POLD1: variants seen among roughly 807,000 people sequenced by gnomAD.
POLD1 encodes DNA polymerase delta catalytic subunit.
In POLD1, 79 loss-of-function variants were observed where a neutral mutation model predicts 129.7. The ratio of observed to expected loss-of-function variants is 0.61; its 90% CI spans 0.51 to 0.73. POLD1 has a LOEUF of 0.73. POLD1 is among the 30% of genes least tolerant of loss of function. The pLI is 0.00. For missense variants in POLD1, 1,338 were observed against 1,595.8 expected (o/e 0.84, Z 2.75); for synonymous variants, 714 against 683.3 (o/e 1.04, Z -0.70).
Position 50,417,969 on chromosome 19 carries a change from C to CG in POLD1, c.*27dup, listed in dbSNP as rs1568643833. 1 of 1,129,926 alleles carries CG rather than the reference C, an allele frequency of 8.9e-7. No homozygotes were observed. The allele number at this position is 1,129,926 out of a possible 1,614,324, so 70.0% of individuals were successfully genotyped here. Reference sequence around the variant, plus strand: ...GTGACCTTGCAAGCATCCCATGGGGCGGGGGCGGGACCAGGGAGAATTAAT... The same window carrying CG: ...GTGACCTTGCAAGCATCCCATGGGGCGGGGGGCGGGACCAGGGAGAATTAAT... On this transcript the variant is annotated 3_prime_UTR_variant, in exon 27 of 27. Coordinates refer to ENST00000440232, the MANE Select transcript of POLD1 (RefSeq NM_002691.4).
In POLD1 at chr19:50,406,238, C is replaced by G. The variant is rs1555791106; in HGVS notation, c.1299C>G (p.Asp433Glu). Residue 433 changes from aspartate to glutamate, a missense_variant, in exon 11 of 27, where the codon GAC becomes GAG. Coordinates refer to ENST00000440232, the MANE Select transcript of POLD1 (RefSeq NM_002691.4). The surrounding 1 kb of genome is among the most constrained non-coding windows in gnomAD (Gnocchi z 5.5). Reference sequence around the variant, plus strand: ...CCGGCCTTTGCTCCAACATCCGGGACTCTTCATTCCAGTCCAAGCAGACGG... The same window carrying G: ...CCGGCCTTTGCTCCAACATCCGGGAGTCTTCATTCCAGTCCAAGCAGACGG... ...RVAGLCSNIR[D>E]SSFQSKQTGR... The G allele has an allele frequency of 1.2e-6, 2 of 1,614,040 alleles. No individual in the cohort carries two copies. The highest frequency in any genetic ancestry group is 4.5e-5 in the East Asian group (2 of 44,874).
At position 50,389,896 on chromosome 19, in the gene POLD1, T is replaced by G. The variant is rs1226280783; in HGVS notation, c.-2+5506T>G. On this transcript the variant is annotated intron_variant, in intron 1 of 26. Transcript: ENST00000440232. ...CCACCATGTCCAGCCTGTTTTTTTT[T>G]TTGTTTTTTGTTTTGTTTTTTTTTT... is the stretch of plus-strand genomic sequence containing the variant. Among the ~76,000 whole-genome samples the G allele has an allele frequency of 2.0e-5, 3 of 149,144 alleles. No individual in the cohort carries two copies. The East Asian group carries it at 5.8e-4, about 29-fold the overall frequency.
rs752674105 is a variant in POLD1, at chr19:50,415,598, G to A, written c.2717+8G>A. 5.6e-6 allele frequency: 9 copies of A among 1,608,678 alleles called. No homozygotes were observed. The highest frequency in any genetic ancestry group is 3.4e-4 in the Middle Eastern group (2 of 5,896). On this transcript the variant is annotated splice_region_variant and intron_variant, in intron 21 of 26. Transcript: ENST00000440232. ...CGTGGAGCTGGCCGAGAGGTCCTGC[G>A]CGGGGCGGGTGGCCTGGCCAGAAAT...
intron 1 of POLD1, among the ~76,000 whole-genome samples, 170 bp downstream of exon 1, chr19:50,384,560 C>T (rs1478313926): frequency 7.4e-6 from 1 of 135,342 alleles, no homozygotes; most frequent in African/African-American, 2.8e-5. Context: ...CGGGGACGAG[C>T]AGGAAAAGGC....
intron 1 of POLD1, among the ~76,000 whole-genome samples, chr19:50,398,465 G>T (rs938980651): frequency 1.3e-5 from 2 of 151,590 alleles, no homozygotes; most frequent in Admixed American, 6.6e-5. Context: ...CCAGCTACTC[G>T]GGAGGCTGAG....
rs1173910214 is a variant in POLD1, at chr19:50,402,500, C to G, written c.805C>G (p.Pro269Ala). The G allele has an allele frequency of 6.2e-7, 1 of 1,610,700 alleles. No homozygotes were observed. The highest frequency in any genetic ancestry group is 8.5e-7 in the Non-Finnish European group (1 of 1,178,756). ...CGTCGGCTGCAACTGGCTGGAGCTC[C>G]CAGCTGGGAAATACGCCCTGAGGCT... ...DIVGCNWLEL[P>A]AGKYALRLKE... is the part of the protein sequence containing the mutation. The change falls in exon 7 of 27, where the codon CCA (proline) becomes GCA (alanine). Residue 269 changes from proline (P) to alanine (A), a missense_variant. Pro to Ala is a conservative substitution (Grantham distance 27). This residue lies in a region of POLD1 where 720 missense variants were observed against 1,002.6 expected (regional missense o/e 0.72). Coordinates refer to ENST00000440232, the MANE Select transcript of POLD1 (RefSeq NM_002691.4).
At position 50,398,866 on chromosome 19, in the gene POLD1, G is replaced by T. The variant is rs1057523464; in HGVS notation, c.15G>T (p.Arg5=). The T allele has an allele frequency of 1.9e-6, 3 of 1,608,296 alleles. No homozygotes were observed. In the East Asian group the frequency reaches 6.7e-5, roughly 36 times the overall value. The change falls in exon 2 of 27, where the codon CGG becomes CGT. Residue 5 remains arginine (R), a synonymous_variant. Coordinates refer to ENST00000440232, the MANE Select transcript of POLD1 (RefSeq NM_002691.4). The part of the protein sequence containing the change: MDGK[R]RPGPGPGVPP... ...TGCCCAGCAGGATGGATGGCAAGCG[G>T]CGGCCAGGCCCAGGGCCCGGGGTGC...
chr19:50,389,933 CAG>C (rs748545472), intron 1 of POLD1, among the ~76,000 whole-genome samples: 2 of 141,124 alleles, frequency 1.4e-5, no homozygotes, highest in African/African-American at 5.2e-5. Context: ...TTTTTTGAAA[CAG>C]AGCCTCATTG....
chr19:50,385,404 G>C (rs1259540045), intron 1 of POLD1, among the ~76,000 whole-genome samples: 11 of 152,150 alleles, frequency 7.2e-5, no homozygotes, highest in East Asian at 3.9e-4. Context: ...TTGCCGCTCT[G>C]AAGGCAAAGA....
chr19:50,404,295 C>CTCTG lies in POLD1; in HGVS notation c.1242+701_1242+704dup, dbSNP rs1380728780. Among the ~76,000 whole-genome samples, 4 of 151,086 alleles carry CTCTG rather than the reference C, an allele frequency of 2.6e-5. No individual in the cohort carries two copies. In the East Asian group the frequency reaches 7.7e-4, roughly 29 times the overall value. On this transcript the variant is annotated intron_variant, in intron 10 of 26. Coordinates refer to ENST00000440232, the MANE Select transcript of POLD1 (RefSeq NM_002691.4). ...TTTTTTTTTCCAAGACAAAGTCTCGCTCTGTCGCCCAGGCTGGAGTGCAGT... is the reference window on the plus strand; with the variant it reads ...TTTTTTTTTCCAAGACAAAGTCTCGCTCTGTCTGTCGCCCAGGCTGGAGTGCAGT...
rs2038744765 is a variant in POLD1, at chr19:50,403,486, C to A, written c.1138-7C>A. The A allele has an allele frequency of 6.8e-6, 11 of 1,606,238 alleles. No individual in the cohort carries two copies. In the East Asian group the frequency reaches 2.2e-4, roughly 33 times the overall value. Reference sequence around the variant, plus strand: ...ACCAGGGTGACCCAATGTGCTCCCACCCCCAGGCCTGGTCCACCTTCATCC... The same window carrying A: ...ACCAGGGTGACCCAATGTGCTCCCAACCCCAGGCCTGGTCCACCTTCATCC... On this transcript the variant is annotated splice_region_variant and splice_polypyrimidine_tract_variant and intron_variant, in intron 9 of 26. Transcript: ENST00000440232.
In POLD1 at chr19:50,409,010, GA is replaced by G. The variant is rs1029648738; in HGVS notation, c.1892+110del. The G allele has an allele frequency of 1.1e-5, 15 of 1,354,968 alleles. No individual in the cohort carries two copies. The highest frequency in any genetic ancestry group is 1.6e-5 in the Non-Finnish European group (15 of 960,134). 83.9% of individuals were successfully genotyped at this position (1,354,968 alleles called of 1,614,324 possible). ...ACAGGCCCAGAGATAGTAGGGAGTG[GA>G]GGGGTGCTTGAGGGGCCTGCGTGTG... On this transcript the variant is annotated intron_variant, in intron 15 of 26. Coordinates refer to ENST00000440232, the MANE Select transcript of POLD1 (RefSeq NM_002691.4). This position sits in a 1 kb window ranked among gnomAD's most constrained non-coding sequence, Gnocchi z 5.8.
At chr19:50,412,737 G>T (rs7508743) in intron 17 of POLD1, among the ~76,000 whole-genome samples, 36 of 145,718 alleles carry the variant, frequency 2.5e-4, no homozygotes, top group African/African-American at 8.7e-4. Context: ...GGTGGTGGTG[G>T]TGTTGTTGTT....
intron 10 of POLD1, among the ~76,000 whole-genome samples, chr19:50,405,560 C>T (rs1220860682): frequency 6.6e-6 from 1 of 152,158 alleles, no homozygotes; most frequent in African/African-American, 2.4e-5. Flanking sequence ...AAGACCCTGC[C>T]TCTATTAAAG....
chr19:50,405,468 C>A (rs2038841847), intron 10 of POLD1, among the ~76,000 whole-genome samples: 1 of 152,154 alleles, frequency 6.6e-6, no homozygotes, highest in Non-Finnish European at 1.5e-5. Flanking sequence ...GTGGCTCACG[C>A]CTCTAATCCC....
rs760073286 is a variant in POLD1 at position 50,399,511 on chromosome 19, C to T, written c.316+27C>T. ...TGAGTTTAGGGGTTATGGGTGAGTG[C>T]TGGGGCCCTGCGCTCCTGGGGCAGA... On this transcript the variant is annotated intron_variant, in intron 3 of 26. Coordinates refer to ENST00000440232, the MANE Select transcript of POLD1 (RefSeq NM_002691.4). The T allele has an allele frequency of 2.0e-6, 3 of 1,521,960 alleles. No homozygotes were observed. Among genetic ancestry groups the T allele is most frequent in the East Asian group, 4.5e-5 (2 of 44,432 alleles). 94.3% of individuals were successfully genotyped at this position (1,521,960 alleles called of 1,614,324 possible). A position where few individuals can be genotyped will look rare whatever the true frequency, so the allele number is the denominator to read the frequency against.
chr19:50,395,548 C>T (rs1193663600), intron 1 of POLD1, among the ~76,000 whole-genome samples: 1 of 151,132 alleles, frequency 6.6e-6, no homozygotes, highest in Non-Finnish European at 1.5e-5. Context: ...CGCGCCACCG[C>T]ACTCCAGCCT....
Position 50,415,844 on chromosome 19 carries a change from G to GCTCCCGCCCAGCCC in POLD1, c.2820+19_2820+20insTCCCGCCCAGCCCC. The GCTCCCGCCCAGCCC allele has an allele frequency of 7.0e-7, 1 of 1,432,354 alleles. No individual in the cohort carries two copies. Among genetic ancestry groups the GCTCCCGCCCAGCCC allele is most frequent in the Non-Finnish European group, 9.3e-7 (1 of 1,072,326 alleles). The allele number at this position is 1,432,354 out of a possible 1,614,324, so 88.7% of individuals were successfully genotyped here. Reference sequence around the variant, plus strand: ...AGTCGGAGGTCAGGCCCACCTGGCTGCCTGCTCCCGCCCAGCCCCCTCGCT... The same window carrying GCTCCCGCCCAGCCC: ...AGTCGGAGGTCAGGCCCACCTGGCTGCTCCCGCCCAGCCCCCTGCTCCCGCCCAGCCCCCTCGCT... On this transcript the variant is annotated intron_variant, in intron 22 of 26. Coordinates refer to ENST00000440232, the MANE Select transcript of POLD1 (RefSeq NM_002691.4).
chr19:50,407,029 A>G lies in POLD1; in HGVS notation c.1541A>G (p.Lys514Arg), dbSNP rs2122337068. Residue 514 changes from lysine to arginine, a missense_variant, in exon 13 of 27, where the codon AAG becomes AGG. Coordinates refer to ENST00000440232, the MANE Select transcript of POLD1 (RefSeq NM_002691.4). ...CGCCGCCTGGCTGTGTACTGCCTGA[A>G]GGATGCCTACCTGCCACTGCGGCTG... is the stretch of plus-strand genomic sequence containing the variant. The part of the protein sequence containing the change: ...TRRRLAVYCL[K>R]DAYLPLRLLE... 2 of 1,613,560 alleles carry G rather than the reference A, an allele frequency of 1.2e-6. No homozygotes were observed. The highest frequency in any genetic ancestry group is 1.3e-5 in the African/African-American group (1 of 75,020).
Sources: allele counts gnomAD v4.1 joint callset (sites outside exome capture counted in the v4.1 genomes callset), GRCh38; gene constraint gnomAD v4.1.1; regional missense constraint gnomAD v4.1.1; non-coding constraint Gnocchi (gnomAD v3.1); transcripts MANE v1.5; gene names NCBI Gene and HGNC (gene_info 2026-07-23, HGNC 2026-07-21).